The following INPP4B variants were observed in gnomAD, a reference collection of about 807,000 sequenced individuals.
INPP4B encodes the protein inositol polyphosphate-4-phosphatase type II B, also known as inositol polyphosphate 4-phosphatase type II.
A neutral mutation model predicts 122.5 loss-of-function variants in INPP4B; 55 were observed. The observed-to-expected ratio is 0.45, with a 90% CI of 0.36 to 0.56. The LOEUF is 0.56. INPP4B is among the 20% of genes least tolerant of loss of function. The pLI, the probability that INPP4B is intolerant of heterozygous loss-of-function variation, is 0.00. For synonymous variants in INPP4B, 403 were observed against 388.7 expected, an observed-to-expected ratio of 1.04 and a Z score of -0.43; for missense variants, 1,000 against 1,097.7, an observed-to-expected ratio of 0.91 and a Z score of 1.26.
In INPP4B at chr4:142,071,017, C is replaced by A. The variant is rs1766938802; in HGVS notation, c.2642+11014G>T. 2.0e-5 allele frequency among the ~76,000 whole-genome samples: 3 copies of A among 152,154 alleles called. No individual in the cohort carries two copies. In the South Asian group the frequency reaches 6.2e-4, roughly 31 times the overall value. On this transcript the variant is annotated intron_variant, in intron 25 of 25. Transcript: ENST00000262992. ...AGTTTATATAGAACCAAATAAGAGC[C>A]TGCATTACCAAGACAATCTTAAGCC...
intron 10 of INPP4B, among the ~76,000 whole-genome samples, chr4:142,268,349 AGGGGT>A (rs1744031340): frequency 7.0e-6 from 1 of 142,878 alleles, no homozygotes; most frequent in African/African-American, 2.6e-5. Flanking sequence ...AAAAAAAATG[AGGGGT>A]AAGTACTGGT....
chr4:142,205,146 C>T (rs1024776062), intron 14 of INPP4B, among the ~76,000 whole-genome samples: 1 of 152,052 alleles, frequency 6.6e-6, no homozygotes, highest in African/African-American at 2.4e-5. Flanking sequence ...TGGAAAACAG[C>T]ATAGTACATG....
At chr4:142,701,104 A>G (rs1421504965) in intron 2 of INPP4B, among the ~76,000 whole-genome samples, 1 of 151,956 alleles carries the variant, frequency 6.6e-6, no homozygotes, top group Non-Finnish European at 1.5e-5. Flanking sequence ...TAGGAATCAC[A>G]GAAAAGTTTA....
chr4:142,211,049 C>A (rs575684358), intron 12 of INPP4B, among the ~76,000 whole-genome samples: 15 of 152,234 alleles, frequency 9.9e-5, no homozygotes, highest in African/African-American at 3.4e-4. Context: ...TACTGATGAA[C>A]CTGTTTGTTC....
At chr4:142,443,780 G>A (rs565154769) in intron 3 of INPP4B, among the ~76,000 whole-genome samples, 4 of 151,970 alleles carry the variant, frequency 2.6e-5, no homozygotes, top group East Asian at 1.9e-4. Context: ...CATCTAAACC[G>A]CACTCTAAGC....
chr4:142,042,215 A>T (rs4260616), intron 25 of INPP4B, among the ~76,000 whole-genome samples: 15,011 of 152,164 alleles, frequency 0.099, 1,058 homozygotes, highest in African/African-American at 0.19. Flanking sequence ...TTAGACACAT[A>T]GCAAAGCAAC....
Position 142,660,192 on chromosome 4 carries a change from C to G in INPP4B, c.-191+65647G>C, listed in dbSNP as rs114825116. Among the ~76,000 whole-genome samples, 1,147 of 152,254 alleles carry G rather than the reference C, an allele frequency of 7.5e-3. 9 individuals are homozygous for G. The highest frequency in any genetic ancestry group is 0.011 in the Non-Finnish European group (781 of 68,024). On this transcript the variant is annotated intron_variant, in intron 2 of 25. Coordinates refer to ENST00000262992, the MANE Select transcript of INPP4B (RefSeq NM_001101669.3). ...TTTTCTCTAGCCACCCCCTCCCCATCCCCCACTTCATGGGTACAAGCTGCT... is the reference window on the plus strand; with the variant it reads ...TTTTCTCTAGCCACCCCCTCCCCATGCCCCACTTCATGGGTACAAGCTGCT...
At chr4:142,045,029 A>G (rs1578711085) in intron 25 of INPP4B, among the ~76,000 whole-genome samples, 1 of 152,150 alleles carries the variant, frequency 6.6e-6, no homozygotes, top group East Asian at 1.9e-4. Context: ...GTAAGAAAAT[A>G]CAGCCAAAAT....
intron 1 of INPP4B, among the ~76,000 whole-genome samples, chr4:142,820,663 T>C (rs1007175262): frequency 6.6e-6 from 1 of 152,140 alleles, no homozygotes; most frequent in African/African-American, 2.4e-5. Context: ...AAATATATTG[T>C]ATACAAAGGC....
intron 7 of INPP4B, among the ~76,000 whole-genome samples, chr4:142,361,832 TTAA>T (rs1185689763): frequency 6.6e-6 from 1 of 151,952 alleles, no homozygotes; most frequent in Admixed American, 6.6e-5. Flanking sequence ...ATGAAAATAA[TTAA>T]TTTTATAAGT....
chr4:142,045,195 T>C (rs1750649155), intron 25 of INPP4B, among the ~76,000 whole-genome samples: 1 of 152,140 alleles, frequency 6.6e-6, no homozygotes, highest in South Asian at 2.1e-4. Context: ...ATGCAGTGTA[T>C]ACATCTCCTG....
chr4:142,749,998 T>C (rs778144753), intron 1 of INPP4B, among the ~76,000 whole-genome samples: 10 of 152,048 alleles, frequency 6.6e-5, no homozygotes, highest in Non-Finnish European at 1.2e-4. Context: ...CTCATGGCTA[T>C]GCATTTCAAA....
At chr4:142,090,119 T>G (rs1009528199) in intron 23 of INPP4B, among the ~76,000 whole-genome samples, 1 of 152,140 alleles carries the variant, frequency 6.6e-6, no homozygotes, top group African/African-American at 2.4e-5. Flanking sequence ...TGGAAATGTT[T>G]TAATAAGCCA....
intron 5 of INPP4B, chr4:142,426,833 T>C (rs1256937561): frequency 6.6e-6 from 1 of 151,998 alleles, no homozygotes; most frequent in Admixed American, 6.6e-5. Flanking sequence ...GTCATTGAAA[T>C]TCCTAAATAA....
intron 2 of INPP4B, among the ~76,000 whole-genome samples, chr4:142,480,543 GA>G (rs944587866): frequency 6.6e-6 from 1 of 152,016 alleles, no homozygotes; most frequent in Non-Finnish European, 1.5e-5. Flanking sequence ...ATACAACTTG[GA>G]AAAAAACAAG....
intron 11 of INPP4B, among the ~76,000 whole-genome samples, chr4:142,254,823 G>A (rs967169599): frequency 2.4e-4 from 36 of 152,008 alleles, no homozygotes; most frequent in Non-Finnish European, 4.6e-4. Context: ...AGCAAGGCAG[G>A]CCAACATTCA....
chr4:142,116,161 G>C (rs1269571650), intron 21 of INPP4B, among the ~76,000 whole-genome samples: 6 of 152,102 alleles, frequency 3.9e-5, no homozygotes, highest in Non-Finnish European at 1.5e-5. Flanking sequence ...GATTCATAAA[G>C]CAAGTCCTTT....
In INPP4B at chr4:142,608,334, T is replaced by C. The variant is rs562218806; in HGVS notation, c.-191+117505A>G. On this transcript the variant is annotated intron_variant, in intron 2 of 25. Transcript: ENST00000262992. Reference sequence around the variant, plus strand: ...CACCTTCATGAAAATACCACACCTTTGGCATTATAGTGAGTTGGAAGAAAA... The same window carrying C: ...CACCTTCATGAAAATACCACACCTTCGGCATTATAGTGAGTTGGAAGAAAA... 7.4e-4 allele frequency among the ~76,000 whole-genome samples: 112 copies of C among 152,272 alleles called. 1 individual carries two copies. The South Asian group carries it at 0.023, about 31-fold the overall frequency.
chr4:142,446,590 C>G (rs924594001), intron 3 of INPP4B, among the ~76,000 whole-genome samples: 1 of 152,068 alleles, frequency 6.6e-6, no homozygotes, highest in African/African-American at 2.4e-5. Flanking sequence ...AAATCAAGTT[C>G]TAATAAAATA....
Sources: allele counts gnomAD v4.1 joint callset (sites outside exome capture counted in the v4.1 genomes callset), GRCh38; gene constraint gnomAD v4.1.1; transcripts MANE v1.5; gene names NCBI Gene and HGNC (gene_info 2026-07-23, HGNC 2026-07-21).